The following KCNK3 variants were observed in gnomAD, a reference collection of about 807,000 sequenced individuals.
The protein encoded by KCNK3 is potassium two pore domain channel subfamily K member 3.
In KCNK3, 9 loss-of-function variants were observed where a neutral mutation model predicts 27.3. That is an observed-to-expected ratio of 0.33 (90% CI 0.20 to 0.57). KCNK3 has a LOEUF of 0.57. Among genes scored for constraint, KCNK3 ranks in the 20% least tolerant of loss-of-function variants. KCNK3 has a pLI of 0.87. For missense variants in KCNK3, 391 were observed against 577.7 expected (o/e 0.68, Z 3.31); for synonymous variants, 278 against 273.8 (o/e 1.02, Z -0.15).
At chr2:26,695,434 A>G (rs1480625167) in intron 1 of KCNK3, among the ~76,000 whole-genome samples, 1 of 152,090 alleles carries the variant, frequency 6.6e-6, no homozygotes, top group Non-Finnish European at 1.5e-5. Flanking sequence ...GTCCAGCTCA[A>G]ATCCCCCCTC....
chr2:26,728,299 T>C lies in KCNK3; in HGVS notation c.916T>C (p.Phe306Leu). The C allele has an allele frequency of 6.2e-7, 1 of 1,600,696 alleles. No homozygotes were observed. Among genetic ancestry groups the C allele is most frequent in the Non-Finnish European group, 8.5e-7 (1 of 1,173,896 alleles). Residue 306 changes from phenylalanine (F) to leucine (L), a missense_variant, in exon 2 of 2, where the codon TTC (phenylalanine) becomes CTC (leucine). Phe to Leu is a conservative substitution (Grantham distance 22). Coordinates refer to ENST00000302909, the MANE Select transcript of KCNK3 (RefSeq NM_002246.3). ...FRNVYAEVLH[F>L]QSMCSCLWYK... is the part of the protein sequence containing the mutation. ...CAACGTCTACGCGGAGGTGCTGCAC[T>C]TCCAGTCCATGTGCTCGTGCCTGTG...
In KCNK3 at chr2:26,718,070, G is replaced by A. The variant is rs529061670; in HGVS notation, c.284-9597G>A. On this transcript the variant is annotated intron_variant, in intron 1 of 1. Transcript: ENST00000302909. ...GCCCCTTCCTGTCCTCTCCTTTCTC[G>A]GCCCCTCGCCCCTACCTCCTCCTCT... is the stretch of plus-strand genomic sequence containing the variant. Among the ~76,000 whole-genome samples the A allele has an allele frequency of 3.4e-5, 5 of 149,120 alleles. No individual in the cohort carries two copies. The East Asian group carries it at 5.9e-4, about 18-fold the overall frequency.
At chr2:26,696,768 G>T (rs1057252498) in intron 1 of KCNK3, among the ~76,000 whole-genome samples, 5 of 152,190 alleles carry the variant, frequency 3.3e-5, no homozygotes, top group African/African-American at 9.7e-5. Context: ...GCAGGAAGGG[G>T]CTTCGGAGAT....
rs144302560 is a variant in KCNK3, at chr2:26,695,515, C to T, written c.283+2357C>T. Among the ~76,000 whole-genome samples, 49 of 152,292 alleles carry T rather than the reference C, an allele frequency of 3.2e-4. No homozygotes were observed. In the East Asian group the frequency reaches 6.2e-3, roughly 19 times the overall value. On this transcript the variant is annotated intron_variant, in intron 1 of 1. Coordinates refer to ENST00000302909, the MANE Select transcript of KCNK3 (RefSeq NM_002246.3). ...CACTGTGAGGATGATCTGGGTGACA[C>T]GCTGTTGGCTGTTTTGAATGGTTAT...
chr2:26,697,453 C>T (rs1265822325), intron 1 of KCNK3, among the ~76,000 whole-genome samples: 13 of 152,154 alleles, frequency 8.5e-5, no homozygotes, highest in Admixed American at 5.2e-4. Context: ...TGCAGTGAGC[C>T]GAGATCGCAC....
intron 1 of KCNK3, among the ~76,000 whole-genome samples, chr2:26,702,365 G>A (rs923574173): frequency 1.3e-5 from 2 of 152,212 alleles, no homozygotes; most frequent in African/African-American, 4.8e-5. Context: ...TCAACAACCT[G>A]GGGGACTGTC....
chr2:26,723,009 C>T (rs1414326940), intron 1 of KCNK3, among the ~76,000 whole-genome samples: 1 of 152,236 alleles, frequency 6.6e-6, no homozygotes, highest in African/African-American at 2.4e-5. Context: ...GATCTCCTGC[C>T]TCCTAGCCCC....
At chr2:26,703,883 C>G (rs372933739) in intron 1 of KCNK3, among the ~76,000 whole-genome samples, 1 of 152,170 alleles carries the variant, frequency 6.6e-6, no homozygotes, top group African/African-American at 2.4e-5. Flanking sequence ...GCATGACACA[C>G]GCCAGGGCAT....
At chr2:26,700,285 A>G (rs1670291518) in intron 1 of KCNK3, among the ~76,000 whole-genome samples, 1 of 152,254 alleles carries the variant, frequency 6.6e-6, no homozygotes, top group South Asian at 2.1e-4. Context: ...CACAAAGAGC[A>G]GTCAACCGCC....
intron 1 of KCNK3, among the ~76,000 whole-genome samples, chr2:26,702,902 G>T (rs1394726477): frequency 1.3e-5 from 2 of 152,078 alleles, no homozygotes; most frequent in African/African-American, 2.4e-5. Context: ...GATCACTTGA[G>T]GTTGGGAGTT....
intron 1 of KCNK3, among the ~76,000 whole-genome samples, chr2:26,707,090 A>G (rs1670384669): frequency 6.6e-6 from 1 of 152,118 alleles, no homozygotes; most frequent in Non-Finnish European, 1.5e-5. Context: ...GTCTAGTCCC[A>G]AGAATAGAGT....
At position 26,727,658 on chromosome 2, in the gene KCNK3, T is replaced by A. The variant is rs1447941011; in HGVS notation, c.284-9T>A. The A allele has an allele frequency of 6.6e-7, 1 of 1,510,764 alleles. No individual in the cohort carries two copies. Among genetic ancestry groups the A allele is most frequent in the Non-Finnish European group, 8.9e-7 (1 of 1,129,218 alleles). 93.6% of individuals were successfully genotyped at this position (1,510,764 alleles called of 1,614,324 possible). ...TGTGCTTTTTCTCCTCTTTCCCACT[T>A]TCCCCCAGGCTACGGGCACGCGGCA... On this transcript the variant is annotated splice_polypyrimidine_tract_variant and intron_variant, in intron 1 of 1. Transcript: ENST00000302909.
intron 1 of KCNK3, among the ~76,000 whole-genome samples, chr2:26,722,537 A>T (rs995522277): frequency 1.3e-5 from 2 of 152,238 alleles, no homozygotes; most frequent in Non-Finnish European, 2.9e-5. Flanking sequence ...GTGGCCAAAG[A>T]TAAAGTTGTT....
chr2:26,694,013 C>A (rs958737699), intron 1 of KCNK3, among the ~76,000 whole-genome samples: 2 of 152,084 alleles, frequency 1.3e-5, no homozygotes, highest in East Asian at 1.9e-4. Flanking sequence ...AGAGAACAAA[C>A]GTTGCCCAGG....
intron 1 of KCNK3, among the ~76,000 whole-genome samples, chr2:26,697,695 T>C (rs960245586): frequency 9.9e-5 from 15 of 152,056 alleles, no homozygotes; most frequent in Admixed American, 8.5e-4. Context: ...GTCCTGGGAA[T>C]CTTTTTGGCT....
chr2:26,723,495 T>C (rs1663359128), intron 1 of KCNK3, among the ~76,000 whole-genome samples: 1 of 152,204 alleles, frequency 6.6e-6, no homozygotes, highest in African/African-American at 2.4e-5. Context: ...CCAGGCCACC[T>C]CTTAGCTGAG....
At chr2:26,700,671 T>G (rs920089825) in intron 1 of KCNK3, among the ~76,000 whole-genome samples, 1 of 152,002 alleles carries the variant, frequency 6.6e-6, no homozygotes, top group African/African-American at 2.4e-5. Context: ...GCTAGAGAGG[T>G]CTTAGACAAA....
chr2:26,692,988 G>C lies in KCNK3; in HGVS notation c.113G>C (p.Arg38Pro). 1 of 1,573,700 alleles carries C rather than the reference G, an allele frequency of 6.4e-7. No homozygotes were observed. The highest frequency in any genetic ancestry group is 8.6e-7 in the Non-Finnish European group (1 of 1,164,780). The change falls in exon 1 of 2, where the codon CGG becomes CCG. Residue 38 changes from arginine (R) to proline (P), a missense_variant. By Grantham distance (103) the Arg-to-Pro change is moderately radical. Transcript: ENST00000302909. The surrounding 1 kb of genome is among the most constrained non-coding windows in gnomAD (Gnocchi z 5.6). ...ALESEPELIE[R>P]QRLELRQQEL... ...GAGTCGGAGCCCGAGCTGATCGAGCGGCAGCGGCTGGAGCTGCGGCAGCAG... is the reference window on the plus strand; with the variant it reads ...GAGTCGGAGCCCGAGCTGATCGAGCCGCAGCGGCTGGAGCTGCGGCAGCAG...
In KCNK3 at chr2:26,728,072, C is replaced by A; in HGVS notation, c.689C>A (p.Thr230Lys). The A allele has an allele frequency of 6.2e-7, 1 of 1,614,044 alleles. No homozygotes were observed. Among genetic ancestry groups the A allele is most frequent in the Non-Finnish European group, 8.5e-7 (1 of 1,179,944 alleles). Residue 230 changes from threonine (T) to lysine (K), a missense_variant, in exon 2 of 2, where the codon ACG (threonine) becomes AAG (lysine). Physicochemically the swap from Thr to Lys is moderately conservative, Grantham distance 78 (BLOSUM62 -1). This residue lies in a region of KCNK3 where 38 missense variants were observed against 80.5 expected (regional missense o/e 0.47). Coordinates refer to ENST00000302909, the MANE Select transcript of KCNK3 (RefSeq NM_002246.3). ...YVAFSFVYIL[T>K]GLTVIGAFLN... ...GCCTTCAGCTTCGTCTACATCCTTA[C>A]GGGCCTCACGGTCATCGGCGCCTTC...
Sources: gnomAD v4.1 joint callset for allele counts (sites outside exome capture counted in the v4.1 genomes callset) on GRCh38, gnomAD v4.1.1 for gene constraint, gnomAD v4.1.1 regional missense constraint, Gnocchi (gnomAD v3.1) non-coding constraint, MANE v1.5 for transcripts, NCBI Gene and HGNC (gene_info 2026-07-23, HGNC 2026-07-21) for gene names.